KHDRBS3: variants seen among roughly 807,000 people sequenced by gnomAD.
KHDRBS3 encodes the protein KH domain-containing, RNA-binding, signal transduction-associated protein 3.
KHDRBS3 carries 23 observed loss-of-function variants against 45.6 expected under a neutral mutation model. That is an observed-to-expected ratio of 0.50 (90% CI 0.36 to 0.72). The LOEUF is 0.72. KHDRBS3 is among the 30% of genes least tolerant of loss of function. The probability of loss-of-function intolerance (pLI) is 0.00; values close to 1 mark genes in which losing one functional copy is unlikely to be tolerated. For synonymous variants in KHDRBS3, 162 were observed against 156.5 expected, an observed-to-expected ratio of 1.04 and a Z score of -0.26; for missense variants, 352 against 424.8, an observed-to-expected ratio of 0.83 and a Z score of 1.51.
chr8:135,590,999 A>C (rs186926895), intron 6 of KHDRBS3, among the ~76,000 whole-genome samples: 1 of 152,374 alleles, frequency 6.6e-6, no homozygotes, highest in South Asian at 2.1e-4. Context: ...TAAGAATACA[A>C]AAACTCCTTT....
chr8:135,598,124 G>C (rs1316234847), intron 6 of KHDRBS3, among the ~76,000 whole-genome samples: 1 of 152,192 alleles, frequency 6.6e-6, no homozygotes, highest in African/African-American at 2.4e-5. Context: ...TAATACAAGT[G>C]ATTGCAGGAT....
rs1828227161 is a variant in KHDRBS3, at chr8:135,581,884, G to A, written c.618G>A (p.Arg206=). ...TTGACTCTCTTGGTTACAGGGGAAG[G>A]GGAGGAGTTACAGCCCGGCCAGTTG... ...GVPAPAITRG[R]GGVTARPVGV... Residue 206 remains arginine (R), a synonymous_variant, in exon 6 of 9, where the codon AGG becomes AGA. Coordinates refer to ENST00000355849, the MANE Select transcript of KHDRBS3 (RefSeq NM_006558.3). The A allele has an allele frequency of 1.3e-6, 2 of 1,592,634 alleles. No homozygotes were observed. Among genetic ancestry groups the A allele is most frequent in the Non-Finnish European group, 1.7e-6 (2 of 1,165,590 alleles).
intron 1 of KHDRBS3, among the ~76,000 whole-genome samples, chr8:135,476,579 T>A (rs1822299686): frequency 2.0e-5 from 3 of 152,226 alleles, no homozygotes; most frequent in Admixed American, 2.0e-4. Flanking sequence ...CTTTTCCCTC[T>A]GCCTTTTCGT....
At chr8:135,549,898 C>T (rs1826501016) in intron 4 of KHDRBS3, 1 of 152,130 alleles carries the variant, frequency 6.6e-6, no homozygotes, top group Admixed American at 6.5e-5. Flanking sequence ...TATGTAATAA[C>T]CTGGGAACTG....
At chr8:135,593,132 A>G (rs764571649) in intron 6 of KHDRBS3, among the ~76,000 whole-genome samples, 5 of 152,142 alleles carry the variant, frequency 3.3e-5, no homozygotes, top group Non-Finnish European at 5.9e-5. Flanking sequence ...TGCCTTTATA[A>G]ATTTATGTCT....
chr8:135,595,391 A>T (rs2130980530), intron 6 of KHDRBS3, among the ~76,000 whole-genome samples: 1 of 152,332 alleles, frequency 6.6e-6, no homozygotes, highest in East Asian at 1.9e-4. Flanking sequence ...TAAAAAGTTT[A>T]AAAATATGAC....
intron 1 of KHDRBS3, among the ~76,000 whole-genome samples, chr8:135,488,869 G>A (rs527853885): frequency 3.9e-5 from 6 of 152,298 alleles, no homozygotes; most frequent in South Asian, 2.1e-4. Flanking sequence ...TGATGCTTAT[G>A]CTTAATAAAC....
At chr8:135,655,255 T>TGA (rs1470287779) in intron 4 of KHDRBS3, among the ~76,000 whole-genome samples, 1 of 152,174 alleles carries the variant, frequency 6.6e-6, no homozygotes, top group Non-Finnish European at 1.5e-5. Flanking sequence ...CAGGTGACAC[T>TGA]GAGACGCCCA....
At chr8:135,479,908 A>T (rs1822480060) in intron 1 of KHDRBS3, among the ~76,000 whole-genome samples, 1 of 152,214 alleles carries the variant, frequency 6.6e-6, no homozygotes, top group Non-Finnish European at 1.5e-5. Context: ...AATCATCTTC[A>T]ACAAAATATG....
In KHDRBS3 at chr8:135,645,064, C is replaced by G. The variant is rs751400191; in HGVS notation, c.896C>G (p.Ala299Gly). 6.2e-7 allele frequency: 1 copy of G among 1,612,974 alleles called. No individual in the cohort carries two copies. The highest frequency in any genetic ancestry group is 1.3e-5 in the African/African-American group (1 of 74,794). ...NSYSTPAQSG[A>G]DYYDYGHGLS... is the part of the protein sequence containing the mutation. ...TTTGTTTTGATCACTTGCAGTGGTG[C>G]TGATTACTATGATTACGGACATGGA... Residue 299 changes from alanine (A) to glycine (G), a missense_variant, in exon 8 of 9, where the codon GCT becomes GGT. Around this residue, in one of 6 missense-constraint regions of KHDRBS3, gnomAD observed 212 missense variants for 209.6 expected, o/e 1.01. Coordinates refer to ENST00000355849, the MANE Select transcript of KHDRBS3 (RefSeq NM_006558.3).
intron 5 of KHDRBS3, among the ~76,000 whole-genome samples, chr8:135,558,021 T>G (rs997203274): frequency 6.6e-6 from 1 of 152,208 alleles, no homozygotes; most frequent in African/African-American, 2.4e-5. Context: ...TGAGACTTGT[T>G]TTTTATGTAA....
chr8:135,556,342 C>T (rs1473616333), intron 4 of KHDRBS3, among the ~76,000 whole-genome samples: 1 of 152,218 alleles, frequency 6.6e-6, no homozygotes, highest in Non-Finnish European at 1.5e-5. Context: ...CTAATTTAAA[C>T]TCCCACCAAC....
chr8:135,622,064 T>C (rs1406860681), intron 7 of KHDRBS3, among the ~76,000 whole-genome samples: 1 of 152,072 alleles, frequency 6.6e-6, no homozygotes, highest in Admixed American at 6.6e-5. Context: ...CCACGTGATA[T>C]TTTCCGTATA....
chr8:135,533,697 T>A (rs1825593303), intron 2 of KHDRBS3, among the ~76,000 whole-genome samples: 1 of 152,306 alleles, frequency 6.6e-6, no homozygotes, highest in Non-Finnish European at 1.5e-5. Context: ...TTAAACTGAT[T>A]TGAGATATAT....
chr8:135,622,367 ATGC>A (rs536205511), intron 7 of KHDRBS3, among the ~76,000 whole-genome samples: 46 of 152,326 alleles, frequency 3.0e-4, no homozygotes, highest in African/African-American at 1.1e-3. Context: ...AATTCTTTTA[ATGC>A]TGCATATTTG....
intron 1 of KHDRBS3, among the ~76,000 whole-genome samples, chr8:135,490,915 A>G (rs949157285): frequency 6.6e-6 from 1 of 152,354 alleles, no homozygotes; most frequent in Middle Eastern, 3.4e-3. Flanking sequence ...TTGGTAATAC[A>G]TGTAATTCAG....
At chr8:135,650,485 T>C (rs56334868), downstream of KHDRBS3, among the ~76,000 whole-genome samples, 259 of 152,350 alleles carry the variant, frequency 1.7e-3, 2 homozygotes, top group South Asian at 0.021. Context: ...GATTATTTTA[T>C]TGAATCCTCA....
Position 135,457,502 on chromosome 8 carries a change from G to C in KHDRBS3, c.-365G>C, listed in dbSNP as rs1821161123. On this transcript the variant is annotated 5_prime_UTR_variant, in exon 1 of 9. Coordinates refer to ENST00000355849, the MANE Select transcript of KHDRBS3 (RefSeq NM_006558.3). This position sits in a 1 kb window ranked among gnomAD's most constrained non-coding sequence, Gnocchi z 4.4. The stretch of plus-strand genomic sequence containing the variant: ...GGCGTGCAGGTCGCAGCTGTGGCTC[G>C]GGTGCTGGCAGGTGCTGGCGGGACT... 1 of 147,374 alleles carries C rather than the reference G, an allele frequency of 6.8e-6. No homozygotes were observed. Among genetic ancestry groups the C allele is most frequent in the Non-Finnish European group, 1.5e-5 (1 of 66,334 alleles). The allele number at this position is 147,374 out of a possible 1,614,324, so 9.1% of individuals were successfully genotyped here. A position where few individuals can be genotyped will look rare whatever the true frequency, so the allele number is the denominator to read the frequency against.
intron 1 of KHDRBS3, chr8:135,458,827 AT>A: frequency 4.4e-6 from 2 of 455,202 alleles, no homozygotes; most frequent in South Asian, 3.1e-5. Flanking sequence ...GGATACAGAG[AT>A]TTCTGGAGGC....
Sources: allele counts gnomAD v4.1 joint callset (sites outside exome capture counted in the v4.1 genomes callset), GRCh38; gene constraint gnomAD v4.1.1; regional missense constraint gnomAD v4.1.1; non-coding constraint Gnocchi (gnomAD v3.1); transcripts MANE v1.5; gene names NCBI Gene and HGNC (gene_info 2026-07-23, HGNC 2026-07-21).